The following RPRD1B variants were observed in gnomAD, a reference collection of about 807,000 sequenced individuals.
RPRD1B encodes the protein regulation of nuclear pre-mRNA domain-containing protein 1B.
Under a neutral mutation model 41.5 loss-of-function variants are expected in RPRD1B, and 11 were observed. The ratio of observed to expected loss-of-function variants is 0.27; its 90% confidence interval spans 0.17 to 0.44. The LOEUF (loss-of-function observed/expected upper bound fraction) is 0.44, where lower values mean the gene tolerates loss of function less well. Ranked by LOEUF, RPRD1B falls within the 20% of genes least tolerant of loss-of-function variation. The pLI is 1.00. For synonymous variants in RPRD1B, 158 were observed against 155.6 expected (o/e 1.02, Z -0.12); for missense variants, 248 against 389.9 (o/e 0.64, Z 3.06).
intron 3 of RPRD1B, among the ~76,000 whole-genome samples, chr20:38,050,381 T>A (rs746553214): frequency 2.6e-5 from 4 of 152,226 alleles, no homozygotes; most frequent in Non-Finnish European, 5.9e-5. Context: ...AAAAGCAAGA[T>A]GTTTCCTGCT....
At chr20:38,065,789 G>A in intron 5 of RPRD1B, 2 of 254,350 alleles carry the variant, frequency 7.9e-6, no homozygotes, top group Non-Finnish European at 7.5e-6. Context: ...ATCTCTTTAT[G>A]CTTGTTTTGT....
rs1379128279 is a variant in RPRD1B at position 38,091,642 on chromosome 20, C to A, written c.*1767C>A. 3 of 985,544 alleles carry A rather than the reference C, an allele frequency of 3.0e-6. No homozygotes were observed. The highest frequency in any genetic ancestry group is 3.6e-6 in the Non-Finnish European group (3 of 830,112). 61.0% of individuals were successfully genotyped at this position (985,544 alleles called of 1,614,324 possible). On this transcript the variant is annotated 3_prime_UTR_variant, in exon 7 of 7. Transcript: ENST00000373433. ...GCACTCCCCAACCTCTCCCCCACCC[C>A]CCGTGGTGTGCTGCTTTCTAGATGA...
intron 5 of RPRD1B, among the ~76,000 whole-genome samples, chr20:38,062,909 A>G (rs2074314338): frequency 7.6e-6 from 1 of 130,770 alleles, no homozygotes; most frequent in Non-Finnish European, 1.5e-5. Context: ...ATCTTAGCTC[A>G]TTGTAACCTC....
At chr20:38,079,881 C>T (rs1325625849) in intron 6 of RPRD1B, among the ~76,000 whole-genome samples, 1 of 152,148 alleles carries the variant, frequency 6.6e-6, no homozygotes, top group African/African-American at 2.4e-5. Context: ...ACCTCCCCAG[C>T]ATCTGTTATT....
chr20:38,045,188 T>C (rs2074109132), intron 2 of RPRD1B, among the ~76,000 whole-genome samples: 1 of 152,264 alleles, frequency 6.6e-6, no homozygotes, highest in Non-Finnish European at 1.5e-5. Flanking sequence ...GTTGTGTATG[T>C]AATTATTTGC....
At chr20:38,089,435 A>C (rs186721981) in intron 6 of RPRD1B, among the ~76,000 whole-genome samples, 64 of 152,318 alleles carry the variant, frequency 4.2e-4, no homozygotes, top group Non-Finnish European at 2.9e-5. Flanking sequence ...AACCAACAAA[A>C]AGAGAATGCA....
At chr20:38,038,490 G>GTTTTTTTTTTTTTTTTTTTTTTT (rs150397040) in intron 1 of RPRD1B, among the ~76,000 whole-genome samples, 1 of 76,788 alleles carries the variant, frequency 1.3e-5, no homozygotes, top group African/African-American at 4.8e-5. Context: ...TTTTTGTTTT[G>GTTTTTTTTTTTTTTTTTTTTTTT]TTTTTTTTTT....
At chr20:38,034,176 C>T in intron 1 of RPRD1B, 78 bp downstream of exon 1, 2 of 1,454,948 alleles carry the variant, frequency 1.4e-6, no homozygotes, top group Non-Finnish European at 1.9e-6. Flanking sequence ...CCCTCTAAGC[C>T]TCTTCATTGA....
chr20:38,091,923 T>C lies in RPRD1B; in HGVS notation c.*2048T>C. ...TTATGTAAATGAATGTGTTGGCCTCTTAATACCTGTTACTAGTGGACTTCC... is the reference window on the plus strand; with the variant it reads ...TTATGTAAATGAATGTGTTGGCCTCCTAATACCTGTTACTAGTGGACTTCC... On this transcript the variant is annotated 3_prime_UTR_variant, in exon 7 of 7. Transcript: ENST00000373433. 1 of 985,886 alleles carries C rather than the reference T, an allele frequency of 1.0e-6. No homozygotes were observed. Among genetic ancestry groups the C allele is most frequent in the African/African-American group, 1.7e-5 (1 of 57,370 alleles). The allele number at this position is 985,886 out of a possible 1,614,324, so 61.1% of individuals were successfully genotyped here.
intron 2 of RPRD1B, among the ~76,000 whole-genome samples, chr20:38,042,011 G>A (rs186404468): frequency 1.4e-5 from 2 of 140,272 alleles, no homozygotes; most frequent in East Asian, 2.0e-4. Context: ...ATTATGGTCT[G>A]CCCTGACACA....
rs1015285205 is a variant in RPRD1B at position 38,091,072 on chromosome 20, T to G, written c.*1197T>G. ...ACTATATAATGTAGTTAGAGACAAT[T>G]TTTATCTTGCTTATAGTAAAGGTTC... is the stretch of plus-strand genomic sequence containing the variant. On this transcript the variant is annotated 3_prime_UTR_variant, in exon 7 of 7. Coordinates refer to ENST00000373433, the MANE Select transcript of RPRD1B (RefSeq NM_021215.4). 41 of 985,744 alleles carry G rather than the reference T, an allele frequency of 4.2e-5. No individual in the cohort carries two copies. The highest frequency in any genetic ancestry group is 4.8e-5 in the Non-Finnish European group (40 of 829,918). The allele number at this position is 985,744 out of a possible 1,614,324, so 61.1% of individuals were successfully genotyped here. A position where few individuals can be genotyped will look rare whatever the true frequency, so the allele number is the denominator to read the frequency against.
intron 2 of RPRD1B, among the ~76,000 whole-genome samples, chr20:38,041,125 CTAA>C (rs2074061999): frequency 6.6e-6 from 1 of 151,492 alleles, no homozygotes; most frequent in Non-Finnish European, 1.5e-5. Flanking sequence ...ACTCATACAA[CTAA>C]TACCATAGAA....
At chr20:38,045,953 C>T (rs757240792) in intron 2 of RPRD1B, among the ~76,000 whole-genome samples, 5 of 152,210 alleles carry the variant, frequency 3.3e-5, no homozygotes, top group East Asian at 1.9e-4. Flanking sequence ...ATTCAGGGCT[C>T]GCTGTAATTG....
chr20:38,059,430 A>G lies in RPRD1B; in HGVS notation c.565A>G (p.Asn189Asp), dbSNP rs774266149. 1 of 1,613,990 alleles carries G rather than the reference A, an allele frequency of 6.2e-7. No homozygotes were observed. Among genetic ancestry groups the G allele is most frequent in the Middle Eastern group, 1.6e-4 (1 of 6,062 alleles). The change falls in exon 5 of 7, where the codon AAT becomes GAT. Residue 189 changes from asparagine to aspartate, a missense_variant. By Grantham distance (23) the Asn-to-Asp change is conservative. Around this residue, in one of 5 missense-constraint regions of RPRD1B, gnomAD observed 94 missense variants for 82.3 expected, o/e 1.14. Coordinates refer to ENST00000373433, the MANE Select transcript of RPRD1B (RefSeq NM_021215.4). Reference protein sequence around the residue: ...ELIKALQDLENAASGDATVRQ... With the variant: ...ELIKALQDLEDAASGDATVRQ... ...AATCAAAGCTTTGCAGGATCTGGAA[A>G]ATGCCGCATCAGGGGATGCTACTGT...
chr20:38,076,811 C>T (rs779375809), intron 6 of RPRD1B, among the ~76,000 whole-genome samples: 4 of 150,736 alleles, frequency 2.7e-5, no homozygotes, highest in Admixed American at 6.6e-5. Context: ...GTACCACCCT[C>T]TGCTGGTTCT....
rs540061254 is a variant in RPRD1B at position 38,092,354 on chromosome 20, T to G, written c.*2479T>G. ...TATATATTTTTGAATAAAGATGGTG[T>G]TGTTGAACAACATTGTGTGATTTTT... On this transcript the variant is annotated 3_prime_UTR_variant, in exon 7 of 7. Transcript: ENST00000373433. The G allele has an allele frequency of 2.0e-4, 197 of 978,110 alleles. 1 individual carries two copies. The African/African-American group carries it at 3.2e-3, about 16-fold the overall frequency. 60.6% of individuals were successfully genotyped at this position (978,110 alleles called of 1,614,324 possible).
At chr20:38,077,723 C>A (rs1423745604) in intron 6 of RPRD1B, among the ~76,000 whole-genome samples, 4 of 152,196 alleles carry the variant, frequency 2.6e-5, no homozygotes, top group Non-Finnish European at 2.9e-5. Flanking sequence ...CCCCTGGATC[C>A]TTGCAGTAGC....
intron 6 of RPRD1B, among the ~76,000 whole-genome samples, chr20:38,067,399 T>TA (rs1207704769): frequency 2.6e-5 from 4 of 152,180 alleles, no homozygotes; most frequent in Non-Finnish European, 4.4e-5. Context: ...TTTCAAGAAA[T>TA]ACTTCTTAAA....
At chr20:38,070,734 T>G in intron 6 of RPRD1B, 2 of 977,190 alleles carry the variant, frequency 2.0e-6, no homozygotes, top group East Asian at 1.2e-4. Flanking sequence ...CCTTCTTAAC[T>G]GTGATTTTTT....
Sources: gnomAD v4.1 joint callset for allele counts (sites outside exome capture counted in the v4.1 genomes callset) on GRCh38, gnomAD v4.1.1 for gene constraint, gnomAD v4.1.1 regional missense constraint, MANE v1.5 for transcripts, NCBI Gene and HGNC (gene_info 2026-07-23, HGNC 2026-07-21) for gene names.